Variants in CEP126 observed in about 807,000 individuals in gnomAD.
CEP126 encodes the protein centrosomal protein of 126 kDa.
In CEP126, 74 loss-of-function variants were observed where a neutral mutation model predicts 107.8. The observed-to-expected ratio is 0.69, with a 90% CI of 0.57 to 0.83. CEP126 has a LOEUF of 0.83. Among genes scored for constraint, CEP126 ranks in the 40% least tolerant of loss-of-function variants. The pLI, the probability that CEP126 is intolerant of heterozygous loss-of-function variation, is 0.00. For missense variants in CEP126, 1,237 were observed against 1,281.9 expected (o/e 0.96, Z 0.53); for synonymous variants, 449 against 446.0 (o/e 1.01, Z -0.08).
intron 1 of CEP126, among the ~76,000 whole-genome samples, chr11:101,920,310 G>C (rs11225064): frequency 0.059 from 8,934 of 152,158 alleles, 484 homozygotes; most frequent in East Asian, 0.27. Flanking sequence ...ATAGGATCCT[G>C]AAATTAACAT....
chr11:101,948,481 T>C (rs1263318345), intron 4 of CEP126, among the ~76,000 whole-genome samples: 2 of 152,184 alleles, frequency 1.3e-5, no homozygotes, highest in East Asian at 3.8e-4. Flanking sequence ...TGTTGAATTG[T>C]AATAAATTTA....
intron 6 of CEP126, among the ~76,000 whole-genome samples, chr11:101,970,004 A>T (rs1941106985): frequency 6.6e-6 from 1 of 152,204 alleles, no homozygotes; most frequent in African/African-American, 2.4e-5. Flanking sequence ...ATAATTTAGG[A>T]TGGACAGCAA....
intron 2 of CEP126, among the ~76,000 whole-genome samples, chr11:101,938,358 G>T (rs559307060): frequency 1.1e-4 from 16 of 146,334 alleles, no homozygotes; most frequent in Admixed American, 2.0e-4. Context: ...GAGTTTATCA[G>T]TTTTCTTAAC....
In CEP126 at chr11:101,917,148, G is replaced by A. The variant is rs1292741585; in HGVS notation, c.128+1736G>A. ...TGTTTAGATAATATATATTTAAATT[G>A]GAACAGAGGAATTATTTTTGAACAT... On this transcript the variant is annotated intron_variant, in intron 1 of 10. Transcript: ENST00000263468. Among the ~76,000 whole-genome samples the A allele has an allele frequency of 3.3e-5, 5 of 150,982 alleles. No homozygotes were observed. The East Asian group carries it at 9.7e-4, about 29-fold the overall frequency.
At chr11:101,956,246 C>G (rs769145989) in intron 4 of CEP126, 1 of 456,306 alleles carries the variant, frequency 2.2e-6, no homozygotes, top group Non-Finnish European at 4.4e-6. Context: ...TACCCTTGTT[C>G]GTCGTTCCCT....
intron 2 of CEP126, among the ~76,000 whole-genome samples, chr11:101,940,015 A>G (rs1220050607): frequency 6.6e-6 from 1 of 152,172 alleles, no homozygotes; most frequent in Non-Finnish European, 1.5e-5. Context: ...TCCTTACCTA[A>G]CTAGATAAAT....
At chr11:101,952,777 A>G (rs189446180) in intron 4 of CEP126, among the ~76,000 whole-genome samples, 2 of 152,346 alleles carry the variant, frequency 1.3e-5, no homozygotes, top group Non-Finnish European at 2.9e-5. Flanking sequence ...AATCTGGGCC[A>G]TGAATGTAGA....
intron 7 of CEP126, among the ~76,000 whole-genome samples, chr11:101,979,838 A>G (rs1207727637): frequency 1.3e-5 from 2 of 152,216 alleles, no homozygotes; most frequent in African/African-American, 4.8e-5. Context: ...CTAGAGGTCT[A>G]ACTTGATCCA....
chr11:101,963,106 G>A lies in CEP126; in HGVS notation c.2071G>A (p.Glu691Lys), dbSNP rs755303348. 6.2e-7 allele frequency: 1 copy of A among 1,614,094 alleles called. No homozygotes were observed. The highest frequency in any genetic ancestry group is 1.1e-5 in the South Asian group (1 of 91,072). ...TTCTGCTGATACAAAGAAGTCCAGG[G>A]AGGATTCTATCTCTGAAAATGTTAC... ...VNSADTKKSR[E>K]DSISENVTTL... Residue 691 changes from glutamate to lysine, a missense_variant, in exon 6 of 11, where the codon GAG becomes AAG. By Grantham distance (56) the Glu-to-Lys change is moderately conservative. Coordinates refer to ENST00000263468, the MANE Select transcript of CEP126 (RefSeq NM_020802.4).
intron 2 of CEP126, among the ~76,000 whole-genome samples, chr11:101,933,926 C>T (rs1940539641): frequency 1.3e-5 from 2 of 148,306 alleles, no homozygotes; most frequent in South Asian, 2.1e-4. Context: ...GTAATTTTTT[C>T]GGTATGTGAT....
rs1941459902 is a variant in CEP126 at position 101,997,719 on chromosome 11, G to A, written c.*76G>A. On this transcript the variant is annotated 3_prime_UTR_variant, in exon 11 of 11. Coordinates refer to ENST00000263468, the MANE Select transcript of CEP126 (RefSeq NM_020802.4). ...GATGCATACCGTTTTGTGAAAACCA[G>A]CCATAGGAAAACATGTGAGCAACAA... is the stretch of plus-strand genomic sequence containing the variant. The A allele has an allele frequency of 6.3e-7, 1 of 1,597,156 alleles. No homozygotes were observed. The highest frequency in any genetic ancestry group is 1.3e-5 in the African/African-American group (1 of 74,512).
chr11:101,924,822 G>A (rs1389361463), intron 2 of CEP126, among the ~76,000 whole-genome samples: 1 of 151,966 alleles, frequency 6.6e-6, no homozygotes, highest in African/African-American at 2.4e-5. Flanking sequence ...GTTATACATT[G>A]ACATTGTCAG....
In CEP126 at chr11:101,962,851, G is replaced by T; in HGVS notation, c.1816G>T (p.Ala606Ser). 1 of 1,604,938 alleles carries T rather than the reference G, an allele frequency of 6.2e-7. No homozygotes were observed. The change falls in exon 6 of 11, where the codon GCA (alanine) becomes TCA (serine). Residue 606 changes from alanine (A) to serine (S), a missense_variant. Transcript: ENST00000263468. Reference sequence around the variant, plus strand: ...GAGCTTTAAGTTTGGAAATCAAAAAGCAGCAGCTATCAGAGATAGTATTGA... The same window carrying T: ...GAGCTTTAAGTTTGGAAATCAAAAATCAGCAGCTATCAGAGATAGTATTGA... ...NQSFKFGNQK[A>S]AAIRDSIELT...
chr11:101,956,510 T>C (rs1421724161), intron 4 of CEP126: 12 of 456,498 alleles, frequency 2.6e-5, no homozygotes, highest in Non-Finnish European at 4.8e-5. Flanking sequence ...TGCATCTCCC[T>C]GTCATTCTCC....
intron 3 of CEP126, among the ~76,000 whole-genome samples, chr11:101,944,683 G>A (rs1206017817): frequency 1.3e-5 from 2 of 152,040 alleles, no homozygotes; most frequent in Admixed American, 1.3e-4. Context: ...AATTCATTTG[G>A]TAAGTAGCTT....
chr11:101,916,130 T>C (rs761762228), intron 1 of CEP126: 2 of 152,242 alleles, frequency 1.3e-5, no homozygotes, highest in Non-Finnish European at 2.9e-5. Flanking sequence ...ATGATTAGGA[T>C]TTAACCTTTG....
Position 101,999,558 on chromosome 11 carries a change from C to T in CEP126, c.*1915C>T, listed in dbSNP as rs1025616997. 6.9e-6 allele frequency: 1 copy of T among 145,448 alleles called. No homozygotes were observed. Among genetic ancestry groups the T allele is most frequent in the Non-Finnish European group, 1.5e-5 (1 of 66,816 alleles). The allele number at this position is 145,448 out of a possible 1,614,324, so 9.0% of individuals were successfully genotyped here. A position where few individuals can be genotyped will look rare whatever the true frequency, so the allele number is the denominator to read the frequency against. ...AGATAAGATTTGCATTTTACTAGAACTTGCACATTATGATATTGTCCTTTT... is the reference window on the plus strand; with the variant it reads ...AGATAAGATTTGCATTTTACTAGAATTTGCACATTATGATATTGTCCTTTT... On this transcript the variant is annotated 3_prime_UTR_variant, in exon 11 of 11. Transcript: ENST00000263468.
intron 2 of CEP126, among the ~76,000 whole-genome samples, chr11:101,924,746 G>A (rs1001668771): frequency 6.6e-6 from 1 of 151,984 alleles, no homozygotes; most frequent in African/African-American, 2.4e-5. Flanking sequence ...GGGATTATAG[G>A]TGGTTTTGGG....
intron 6 of CEP126, among the ~76,000 whole-genome samples, chr11:101,973,892 C>G (rs1941162135): frequency 6.6e-6 from 1 of 151,830 alleles, no homozygotes; most frequent in African/African-American, 2.4e-5. Flanking sequence ...GCCTATTTTT[C>G]TATTTTTTTA....
Sources: gnomAD v4.1 joint callset for allele counts (sites outside exome capture counted in the v4.1 genomes callset) on GRCh38, gnomAD v4.1.1 for gene constraint, MANE v1.5 for transcripts, NCBI Gene and HGNC (gene_info 2026-07-23, HGNC 2026-07-21) for gene names.